The following EEF2K variants were observed in gnomAD, a reference collection of about 807,000 sequenced individuals.
The protein encoded by EEF2K is eukaryotic elongation factor 2 kinase, also known as alternative protein EEF2K.
A neutral mutation model predicts 93.8 loss-of-function variants in EEF2K; 70 were observed. The observed-to-expected ratio is 0.75, with a 90% confidence interval of 0.62 to 0.91. The LOEUF (loss-of-function observed/expected upper bound fraction) is 0.91, where lower values mean the gene tolerates loss of function less well. Ranked by LOEUF, EEF2K falls within the 40% of genes least tolerant of loss-of-function variation. The probability of loss-of-function intolerance (pLI) is 0.00; values close to 1 mark genes in which losing one functional copy is unlikely to be tolerated. For synonymous variants in EEF2K, 376 were observed against 380.8 expected, an observed-to-expected ratio of 0.99 and a Z score of 0.15; for missense variants, 935 against 972.9, an observed-to-expected ratio of 0.96 and a Z score of 0.52.
intron 9 of EEF2K, among the ~76,000 whole-genome samples, chr16:22,258,197 T>C (rs76919095): frequency 0.016 from 2,501 of 152,146 alleles, 64 homozygotes; most frequent in African/African-American, 0.058. Flanking sequence ...AAGACCAGCT[T>C]GGGATGCTGG....
chr16:22,278,717 A>G (rs1249949154), intron 16 of EEF2K, among the ~76,000 whole-genome samples: 2 of 152,046 alleles, frequency 1.3e-5, no homozygotes, highest in East Asian at 1.9e-4. Flanking sequence ...CTGATATACT[A>G]TAAATAGTTA....
At chr16:22,246,887 A>C (rs929742601) in intron 3 of EEF2K, among the ~76,000 whole-genome samples, 1 of 151,324 alleles carries the variant, frequency 6.6e-6, no homozygotes, top group African/African-American at 2.4e-5. Flanking sequence ...AAAATACAAA[A>C]ATTAGTTGGG....
rs568472025 is a variant in EEF2K, at chr16:22,287,498, C to T, written c.*3502C>T. 1 of 152,150 alleles carries T rather than the reference C, an allele frequency of 6.6e-6. No homozygotes were observed. The highest frequency in any genetic ancestry group is 1.5e-5 in the Non-Finnish European group (1 of 68,038). The allele number at this position is 152,150 out of a possible 1,614,324, so 9.4% of individuals were successfully genotyped here. On this transcript the variant is annotated 3_prime_UTR_variant, in exon 18 of 18. Coordinates refer to ENST00000263026, the MANE Select transcript of EEF2K (RefSeq NM_013302.5). ...ACTTTCATTTCACAAATGGAGAAACCGAGGTTCTGCCAGCTAGATTTTTTT... is the reference window on the plus strand; with the variant it reads ...ACTTTCATTTCACAAATGGAGAAACTGAGGTTCTGCCAGCTAGATTTTTTT...
At chr16:22,229,524 G>A (rs560393596) in intron 2 of EEF2K, among the ~76,000 whole-genome samples, 5 of 152,224 alleles carry the variant, frequency 3.3e-5, no homozygotes, top group African/African-American at 9.6e-5. Flanking sequence ...CCAACATGGC[G>A]AAACCCCGTC....
intron 17 of EEF2K, among the ~76,000 whole-genome samples, chr16:22,283,337 G>T (rs1237533082): frequency 2.8e-5 from 4 of 144,736 alleles, no homozygotes; most frequent in Non-Finnish European, 4.5e-5. Flanking sequence ...AAAAGAAGAA[G>T]AATGATGCAA....
chr16:22,250,466 C>T (rs915912136), intron 4 of EEF2K, among the ~76,000 whole-genome samples, 188 bp from the exon 5 acceptor site: 1 of 152,078 alleles, frequency 6.6e-6, no homozygotes, highest in Non-Finnish European at 1.5e-5. Context: ...TCCTGGCAGC[C>T]TCTGGGTTGG....
At chr16:22,221,519 A>T (rs1044416974) in intron 1 of EEF2K, among the ~76,000 whole-genome samples, 4 of 152,144 alleles carry the variant, frequency 2.6e-5, no homozygotes, top group African/African-American at 9.7e-5. Context: ...AAGTAAGGCT[A>T]AGCACAATTT....
chr16:22,262,362 T>C (rs776984740), intron 11 of EEF2K, among the ~76,000 whole-genome samples: 2 of 151,980 alleles, frequency 1.3e-5, no homozygotes, highest in Admixed American at 6.6e-5. Flanking sequence ...ATACAAAAAT[T>C]AGCCAGGCGT....
At chr16:22,221,384 G>A (rs1344298702) in intron 1 of EEF2K, among the ~76,000 whole-genome samples, 1 of 151,946 alleles carries the variant, frequency 6.6e-6, no homozygotes, top group Non-Finnish European at 1.5e-5. Context: ...TGAGGCGGGA[G>A]GATCACCTGA....
chr16:22,234,877 CTTTT>C (rs1173052779), intron 2 of EEF2K, among the ~76,000 whole-genome samples: 3 of 90,624 alleles, frequency 3.3e-5, no homozygotes, highest in African/African-American at 4.4e-5. Flanking sequence ...TTTTTTGTTG[CTTTT>C]TTTTTTTTTT....
intron 6 of EEF2K, among the ~76,000 whole-genome samples, chr16:22,253,123 C>A (rs573678506): frequency 6.6e-6 from 1 of 152,138 alleles, no homozygotes; most frequent in East Asian, 1.9e-4. Context: ...GTCTCAAATG[C>A]AGGCTTTTCA....
At chr16:22,246,170 G>A (rs750025809) in intron 3 of EEF2K, among the ~76,000 whole-genome samples, 1 of 152,084 alleles carries the variant, frequency 6.6e-6, no homozygotes, top group Non-Finnish European at 1.5e-5. Context: ...AGCAGCTCAC[G>A]GAACTCAGGG....
chr16:22,223,413 G>T (rs1366887046), intron 1 of EEF2K, among the ~76,000 whole-genome samples: 1 of 151,980 alleles, frequency 6.6e-6, no homozygotes, highest in Non-Finnish European at 1.5e-5. Context: ...CAAGTAGTTG[G>T]GATTATAGGC....
chr16:22,221,644 G>GGAC (rs1231588126), intron 1 of EEF2K, among the ~76,000 whole-genome samples: 2 of 152,026 alleles, frequency 1.3e-5, no homozygotes, highest in Non-Finnish European at 2.9e-5. Context: ...TGCACCTGAT[G>GGAC]GACAGCACTG....
chr16:22,280,879 T>C (rs1378267689), intron 17 of EEF2K, among the ~76,000 whole-genome samples: 1 of 152,132 alleles, frequency 6.6e-6, no homozygotes, highest in Non-Finnish European at 1.5e-5. Flanking sequence ...GCCAGGCTGG[T>C]CTCGAACTCC....
Position 22,258,567 on chromosome 16 carries a change from G to A in EEF2K, c.1103G>A (p.Ser368Asn), listed in dbSNP as rs1017107138. 1.2e-6 allele frequency: 2 copies of A among 1,614,106 alleles called. No individual in the cohort carries two copies. Among genetic ancestry groups the A allele is most frequent in the Admixed American group, 1.7e-5 (1 of 60,006 alleles). Reference sequence around the variant, plus strand: ...CCCCAAGTAAGGACCCTCTCTGGGAGCCGGCCACCCCTGCTCCGTCCCCTT... The same window carrying A: ...CCCCAAGTAAGGACCCTCTCTGGGAACCGGCCACCCCTGCTCCGTCCCCTT... ...GSPQVRTLSG[S>N]RPPLLRPLSE... Residue 368 changes from serine (S) to asparagine (N), a missense_variant, in exon 10 of 18, where the codon AGC (serine) becomes AAC (asparagine). Coordinates refer to ENST00000263026, the MANE Select transcript of EEF2K (RefSeq NM_013302.5).
chr16:22,235,354 G>T (rs1409016676), intron 2 of EEF2K, among the ~76,000 whole-genome samples: 1 of 151,824 alleles, frequency 6.6e-6, no homozygotes, highest in Non-Finnish European at 1.5e-5. Context: ...TCAGTAACCA[G>T]TTTTTTTCGG....
intron 2 of EEF2K, among the ~76,000 whole-genome samples, chr16:22,237,495 A>G (rs1219256236): frequency 6.6e-6 from 1 of 151,776 alleles, no homozygotes; most frequent in Non-Finnish European, 1.5e-5. Context: ...AAAATTAGCC[A>G]GGCGTGGTGG....
Position 22,280,235 on chromosome 16 carries a change from A to G in EEF2K, c.1927A>G (p.Thr643Ala), listed in dbSNP as rs577818067. The stretch of plus-strand genomic sequence containing the variant: ...GCTAGAGGCCCTGCACTGGTACAAC[A>G]CTGCCCTGGAGATGACGGACTGTGA... ...DWLEALHWYNTALEMTDCDEG... is the reference protein window; with the variant it reads ...DWLEALHWYNAALEMTDCDEG... The change falls in exon 17 of 18, where the codon ACT (threonine) becomes GCT (alanine). Residue 643 changes from threonine to alanine, a missense_variant. Transcript: ENST00000263026. 6 of 1,592,682 alleles carry G rather than the reference A, an allele frequency of 3.8e-6. No individual in the cohort carries two copies. In the African/African-American group the frequency reaches 4.1e-5, roughly 11 times the overall value.
Sources: gnomAD v4.1 joint callset for allele counts (sites outside exome capture counted in the v4.1 genomes callset) on GRCh38, gnomAD v4.1.1 for gene constraint, MANE v1.5 for transcripts, NCBI Gene and HGNC (gene_info 2026-07-23, HGNC 2026-07-21) for gene names.